The following TMPRSS12 variants were observed in gnomAD, a reference collection of about 807,000 sequenced individuals.
TMPRSS12 encodes transmembrane serine protease 12.
TMPRSS12 carries 25 observed loss-of-function variants against 26.0 expected under a neutral mutation model. That is an observed-to-expected ratio of 0.96 (90% CI 0.70 to 1.34). TMPRSS12 has a LOEUF of 1.34. TMPRSS12 is among the 40% of genes most tolerant of loss of function. The pLI is 0.00. For missense variants in TMPRSS12, 441 were observed against 440.1 expected, an observed-to-expected ratio of 1.00 and a Z score of -0.02; for synonymous variants, 150 against 161.7, an observed-to-expected ratio of 0.93 and a Z score of 0.55.
At chr12:50,857,806 G>A (rs1203277270) in intron 2 of TMPRSS12, among the ~76,000 whole-genome samples, 3 of 144,794 alleles carry the variant, frequency 2.1e-5, no homozygotes, top group Non-Finnish European at 4.5e-5. Context: ...TGTTGTTGTT[G>A]TCGTTGTTGT....
intron 2 of TMPRSS12, among the ~76,000 whole-genome samples, chr12:50,846,157 ATTTT>A (rs967766626): frequency 6.6e-6 from 1 of 151,924 alleles, no homozygotes; most frequent in Non-Finnish European, 1.5e-5. Context: ...AAATTTATCT[ATTTT>A]TTTTCTTTTG....
intron 3 of TMPRSS12, among the ~76,000 whole-genome samples, chr12:50,884,587 T>C (rs1387227431): frequency 2.0e-5 from 3 of 152,058 alleles, no homozygotes; most frequent in Non-Finnish European, 2.9e-5. Flanking sequence ...AAAAGGCACA[T>C]CTGGCCAGGC....
intron 3 of TMPRSS12, among the ~76,000 whole-genome samples, chr12:50,875,426 G>T (rs1938103637): frequency 7.1e-6 from 1 of 141,798 alleles, no homozygotes; most frequent in Non-Finnish European, 1.5e-5. Context: ...GGAAGGGGAG[G>T]TTGCAGTGAG....
chr12:50,860,802 G>A (rs1486763590), intron 3 of TMPRSS12, among the ~76,000 whole-genome samples: 1 of 152,044 alleles, frequency 6.6e-6, no homozygotes. Flanking sequence ...GTAGAGACAG[G>A]GTCTTGCCAT....
intron 2 of TMPRSS12, among the ~76,000 whole-genome samples, chr12:50,857,464 C>T (rs191365958): frequency 5.3e-5 from 8 of 152,184 alleles, no homozygotes; most frequent in African/African-American, 1.2e-4. Flanking sequence ...CTGTTATCAT[C>T]GAACACACAC....
intron 2 of TMPRSS12, among the ~76,000 whole-genome samples, chr12:50,855,989 A>AT (rs1342963194): frequency 6.6e-6 from 1 of 152,188 alleles, no homozygotes; most frequent in Non-Finnish European, 1.5e-5. Context: ...GTTATCTCTC[A>AT]TAAGTGGGAG....
chr12:50,884,544 T>G (rs978123337), intron 3 of TMPRSS12, among the ~76,000 whole-genome samples: 7 of 151,998 alleles, frequency 4.6e-5, no homozygotes, highest in Non-Finnish European at 1.0e-4. Context: ...TGTGAAGAAT[T>G]TGAAACCCTC....
intron 3 of TMPRSS12, among the ~76,000 whole-genome samples, chr12:50,866,066 G>A (rs1051418408): frequency 6.6e-6 from 1 of 152,202 alleles, no homozygotes; most frequent in African/African-American, 2.4e-5. Context: ...CAGCTCTAAT[G>A]TGGATGGACA....
chr12:50,849,008 G>A (rs1447006230), intron 2 of TMPRSS12, among the ~76,000 whole-genome samples: 3 of 152,106 alleles, frequency 2.0e-5, no homozygotes, highest in Non-Finnish European at 4.4e-5. Context: ...GGGACTACAG[G>A]CATGTGCTAC....
intron 4 of TMPRSS12, chr12:50,886,986 C>A: frequency 3.1e-6 from 1 of 321,938 alleles, no homozygotes; most frequent in Non-Finnish European, 5.6e-6. Flanking sequence ...TTTAAAAATC[C>A]AAACAATTTG....
chr12:50,877,088 G>A (rs4768935), intron 3 of TMPRSS12, among the ~76,000 whole-genome samples: 36,772 of 151,944 alleles, frequency 0.24, 4,588 homozygotes, highest in East Asian at 0.42. Flanking sequence ...GGGCTAAAAA[G>A]CTAATTTGGG....
At chr12:50,880,381 C>G (rs928391462) in intron 3 of TMPRSS12, among the ~76,000 whole-genome samples, 6 of 152,128 alleles carry the variant, frequency 3.9e-5, no homozygotes, top group African/African-American at 1.4e-4. Flanking sequence ...CACAGCAAGA[C>G]CTCATTTCAA....
chr12:50,886,248 CTG>C (rs1388380107), intron 4 of TMPRSS12: 1 of 152,084 alleles, frequency 6.6e-6, no homozygotes, highest in Non-Finnish European at 1.5e-5. Flanking sequence ...ATTCTGTAGA[CTG>C]TTTTTTCACT....
At position 50,843,025 on chromosome 12, in the gene TMPRSS12, G is replaced by A. The variant is rs1937725667; in HGVS notation, c.61G>A (p.Asp21Asn). 1.2e-6 allele frequency: 2 copies of A among 1,606,576 alleles called. No homozygotes were observed. The highest frequency in any genetic ancestry group is 2.7e-5 in the African/African-American group (2 of 74,798). Residue 21 changes from aspartate to asparagine, a missense_variant, in exon 1 of 5, where the codon GAC becomes AAC. By Grantham distance (23) the Asp-to-Asn change is conservative. Transcript: ENST00000398458. Reference protein sequence around the residue: ...LFVGSSHLYSDHYSPSGRHRL... With the variant: ...LFVGSSHLYSNHYSPSGRHRL... ...TGTGGGGAGCTCTCACTTATACTCA[G>A]ACCACTACTCGCCCTCTGGAAGGCA...
chr12:50,868,080 C>T (rs1938007987), intron 3 of TMPRSS12, among the ~76,000 whole-genome samples: 1 of 152,048 alleles, frequency 6.6e-6, no homozygotes, highest in Admixed American at 6.6e-5. Context: ...AAAGCATAAA[C>T]AAAAAATCGA....
chr12:50,863,558 A>G (rs1331492677), intron 3 of TMPRSS12, among the ~76,000 whole-genome samples: 1 of 152,252 alleles, frequency 6.6e-6, no homozygotes, highest in East Asian at 1.9e-4. Context: ...TAAATAAACT[A>G]GTATAGCCTT....
chr12:50,881,682 A>T (rs1186015543), intron 3 of TMPRSS12, among the ~76,000 whole-genome samples: 1 of 151,982 alleles, frequency 6.6e-6, no homozygotes, highest in Non-Finnish European at 1.5e-5. Flanking sequence ...ATATATTTTT[A>T]GTTTGAGTCT....
intron 2 of TMPRSS12, among the ~76,000 whole-genome samples, chr12:50,856,878 C>CAA (rs1167455881): frequency 1.6e-4 from 24 of 151,618 alleles, no homozygotes; most frequent in Non-Finnish European, 1.6e-4. Context: ...TTTACAGAGA[C>CAA]AGGGTTTCGC....
chr12:50,857,295 T>A (rs900880197), intron 2 of TMPRSS12, among the ~76,000 whole-genome samples: 9 of 152,372 alleles, frequency 5.9e-5, no homozygotes, highest in African/African-American at 2.2e-4. Flanking sequence ...ATTTTTGTGT[T>A]CATCTTTTAT....
Sources: allele counts gnomAD v4.1 joint callset (sites outside exome capture counted in the v4.1 genomes callset), GRCh38; gene constraint gnomAD v4.1.1; transcripts MANE v1.5; gene names NCBI Gene and HGNC (gene_info 2026-07-23, HGNC 2026-07-21).